Variants in SHISA6 observed in about 807,000 individuals in gnomAD.
SHISA6 encodes shisa family member 6.
A neutral mutation model predicts 47.9 loss-of-function variants in SHISA6; 22 were observed. The ratio of observed to expected loss-of-function variants is 0.46; its 90% confidence interval spans 0.33 to 0.66. The LOEUF (loss-of-function observed/expected upper bound fraction) is 0.66, where lower values mean the gene tolerates loss of function less well. Ranked by LOEUF, SHISA6 falls within the 30% of genes least tolerant of loss-of-function variation. The pLI, the probability that SHISA6 is intolerant of heterozygous loss-of-function variation, is 0.02. For missense variants in SHISA6, 680 were observed against 764.6 expected (o/e 0.89, Z 1.30); for synonymous variants, 388 against 337.8 (o/e 1.15, Z -1.63).
chr17:11,463,995 C>T (rs1023711591), intron 3 of SHISA6, among the ~76,000 whole-genome samples: 1 of 152,150 alleles, frequency 6.6e-6, no homozygotes, highest in African/African-American at 2.4e-5. Flanking sequence ...CAACTCACTG[C>T]AGCCTCAGCC....
At chr17:11,322,811 A>G (rs1470551755) in intron 2 of SHISA6, among the ~76,000 whole-genome samples, 3 of 152,184 alleles carry the variant, frequency 2.0e-5, no homozygotes, top group South Asian at 2.1e-4. Flanking sequence ...GGCTCCTACA[A>G]AAGAAATGTG....
intron 3 of SHISA6, among the ~76,000 whole-genome samples, chr17:11,497,268 G>A (rs898876403): frequency 6.6e-6 from 1 of 152,168 alleles, no homozygotes; most frequent in African/African-American, 2.4e-5. Context: ...AGAAATTCTG[G>A]TGTCTCCGCT....
intron 2 of SHISA6, among the ~76,000 whole-genome samples, chr17:11,336,081 T>G (rs1016625126): frequency 1.3e-5 from 2 of 151,152 alleles, no homozygotes; most frequent in African/African-American, 4.9e-5. Context: ...TGGTGGTGCA[T>G]GCCTGTAGTC....
At chr17:11,533,295 A>T (rs1228975309) in intron 3 of SHISA6, among the ~76,000 whole-genome samples, 1 of 151,966 alleles carries the variant, frequency 6.6e-6, no homozygotes, top group African/African-American at 2.4e-5. Flanking sequence ...AATTCTTCCT[A>T]CTGGTTAATT....
intron 2 of SHISA6, among the ~76,000 whole-genome samples, chr17:11,363,193 G>A (rs1912342422): frequency 3.5e-5 from 5 of 143,800 alleles, no homozygotes; most frequent in African/African-American, 1.0e-4. Flanking sequence ...CAGCTCCAGG[G>A]TACATTTCTT....
intron 3 of SHISA6, among the ~76,000 whole-genome samples, chr17:11,532,499 G>A (rs960498937): frequency 2.2e-4 from 34 of 152,198 alleles, no homozygotes; most frequent in African/African-American, 6.5e-4. Flanking sequence ...GTGTGTGTGC[G>A]CGCACGCGCG....
At chr17:11,542,712 A>T (rs1212195662) in intron 3 of SHISA6, among the ~76,000 whole-genome samples, 1 of 152,172 alleles carries the variant, frequency 6.6e-6, no homozygotes, top group Admixed American at 6.5e-5. Flanking sequence ...AAGGTTCCAC[A>T]TGGAACCTTT....
chr17:11,424,584 G>A (rs750555707), intron 3 of SHISA6, among the ~76,000 whole-genome samples: 1 of 152,012 alleles, frequency 6.6e-6, no homozygotes, highest in Admixed American at 6.6e-5. Context: ...GTGATTTAAA[G>A]TGCAAAGCAC....
intron 2 of SHISA6, among the ~76,000 whole-genome samples, chr17:11,333,918 A>G (rs1179736864): frequency 6.6e-6 from 1 of 152,180 alleles, no homozygotes; most frequent in Non-Finnish European, 1.5e-5. Flanking sequence ...AGGATGGTAC[A>G]TTGGCAATTA....
chr17:11,417,674 A>C (rs1284019274), intron 3 of SHISA6, among the ~76,000 whole-genome samples: 4 of 152,196 alleles, frequency 2.6e-5, no homozygotes, highest in Non-Finnish European at 5.9e-5. Context: ...GCTGCTTTGG[A>C]CCATCTTCTC....
chr17:11,499,903 T>G (rs1338399188), intron 3 of SHISA6, among the ~76,000 whole-genome samples: 1 of 151,074 alleles, frequency 6.6e-6, no homozygotes, highest in Non-Finnish European at 1.5e-5. Context: ...GGTTTCACCT[T>G]ATTACCCAGG....
intron 2 of SHISA6, among the ~76,000 whole-genome samples, chr17:11,359,225 A>T (rs1370845625): frequency 6.6e-6 from 1 of 152,174 alleles, no homozygotes; most frequent in Non-Finnish European, 1.5e-5. Context: ...GCTCACCCAC[A>T]ATTAGAAAAA....
intron 1 of SHISA6, among the ~76,000 whole-genome samples, chr17:11,247,628 G>A (rs1361313538): frequency 1.3e-5 from 2 of 152,120 alleles, no homozygotes; most frequent in Non-Finnish European, 2.9e-5. Flanking sequence ...GGGAGGGGTT[G>A]TGCTTGGGTG....
chr17:11,329,945 C>G (rs9909482), intron 2 of SHISA6, among the ~76,000 whole-genome samples: 4,110 of 151,874 alleles, frequency 0.027, 186 homozygotes, highest in African/African-American at 0.094. Flanking sequence ...CTCTATTTGC[C>G]TTAATTTCAT....
intron 1 of SHISA6, among the ~76,000 whole-genome samples, chr17:11,262,465 CTCACATG>C (rs1231333553): frequency 6.6e-6 from 1 of 152,222 alleles, no homozygotes; most frequent in East Asian, 1.9e-4. Flanking sequence ...CAGTGGGTAT[CTCACATG>C]TCACACCCAC....
chr17:11,479,246 T>C (rs572056878), intron 3 of SHISA6, among the ~76,000 whole-genome samples: 2 of 151,916 alleles, frequency 1.3e-5, no homozygotes, highest in South Asian at 4.2e-4. Flanking sequence ...TTAAAAAAAA[T>C]AATAATTTGA....
chr17:11,260,738 ACT>A (rs1908203612), intron 1 of SHISA6, among the ~76,000 whole-genome samples: 1 of 138,528 alleles, frequency 7.2e-6, no homozygotes, highest in Admixed American at 7.1e-5. Flanking sequence ...ACCCCCTCTC[ACT>A]CTCCTTCTGT....
At chr17:11,318,656 A>C (rs1417227360) in intron 2 of SHISA6, among the ~76,000 whole-genome samples, 1 of 152,246 alleles carries the variant, frequency 6.6e-6, no homozygotes, top group Non-Finnish European at 1.5e-5. Flanking sequence ...TATTTTTCCT[A>C]CTACCATAAG....
At chr17:11,420,784 A>G (rs1221857350) in intron 3 of SHISA6, among the ~76,000 whole-genome samples, 1 of 152,166 alleles carries the variant, frequency 6.6e-6, no homozygotes, top group Non-Finnish European at 1.5e-5. Flanking sequence ...TCTAGATTCA[A>G]AGTCCCCGGG....
Sources: gnomAD v4.1 joint callset for allele counts (sites outside exome capture counted in the v4.1 genomes callset) on GRCh38, gnomAD v4.1.1 for gene constraint, MANE v1.5 for transcripts, NCBI Gene and HGNC (gene_info 2026-07-23, HGNC 2026-07-21) for gene names.